CCR10: variants seen among roughly 807,000 people sequenced by gnomAD.
The protein encoded by CCR10 is C-C chemokine receptor type 10.
In CCR10, 11 loss-of-function variants were observed where a neutral mutation model predicts 11.9. The ratio of observed to expected loss-of-function variants is 0.92; its 90% confidence interval spans 0.58 to 1.53. The LOEUF is 1.53. CCR10 is among the 40% of genes most tolerant of loss of function. CCR10 has a pLI of 0.00. For synonymous variants in CCR10, 224 were observed against 245.4 expected (o/e 0.91, Z 0.81); for missense variants, 428 against 496.6 (o/e 0.86, Z 1.31).
At chr17:42,680,703 A>G in intron 1 of CCR10, 86 bp from the exon 2 acceptor site, 1 of 939,676 alleles carries the variant, frequency 1.1e-6, no homozygotes, top group Non-Finnish European at 1.6e-6. Flanking sequence ...CCAAGCTGAG[A>G]GCTCCTGTGT....
In CCR10 at chr17:42,678,928, A is replaced by T. The variant is rs2052896444; in HGVS notation, c.*625T>A. On this transcript the variant is annotated 3_prime_UTR_variant, in exon 2 of 2. Transcript: ENST00000332438. ...TTTTCATTTTTTCTTTCCATCACAG[A>T]CACTAGGAAGGGATTGTAAAGTGGT... 6.6e-6 allele frequency: 1 copy of T among 152,198 alleles called. No individual in the cohort carries two copies. Among genetic ancestry groups the T allele is most frequent in the South Asian group, 2.1e-4 (1 of 4,824 alleles). The allele number at this position is 152,198 out of a possible 1,614,324, so 9.4% of individuals were successfully genotyped here.
chr17:42,680,243 AC>A lies in CCR10; in HGVS notation c.398del (p.Cys133LeufsTer71). ...SFHAGFLFLA[C>X]ISADRYVAIA... ...TGGCCACGTAGCGGTCGGCGCTGAT[AC>A]AGGCCAGGAAGAGGAAGCCGGCGTG... On this transcript the variant is annotated frameshift_variant, in exon 2 of 2. Coordinates refer to ENST00000332438, the MANE Select transcript of CCR10 (RefSeq NM_016602.3). LOFTEE classifies it low-confidence loss of function (END_TRUNC). 6.3e-7 allele frequency: 1 copy of A among 1,586,538 alleles called. No homozygotes were observed. Among genetic ancestry groups the A allele is most frequent in the Non-Finnish European group, 8.6e-7 (1 of 1,167,012 alleles).
Position 42,680,240 on chromosome 17 carries a change from G to T in CCR10, c.402C>A (p.Ile134=), listed in dbSNP as rs1459623477. The T allele has an allele frequency of 1.3e-6, 2 of 1,588,568 alleles. No individual in the cohort carries two copies. The highest frequency in any genetic ancestry group is 1.7e-6 in the Non-Finnish European group (2 of 1,168,074). ...FHAGFLFLAC[I]SADRYVAIAR... ...CGATGGCCACGTAGCGGTCGGCGCT[G>T]ATACAGGCCAGGAAGAGGAAGCCGG... is the stretch of plus-strand genomic sequence containing the variant. The change falls in exon 2 of 2, where the codon ATC becomes ATA. Residue 134 remains isoleucine, a synonymous_variant. Transcript: ENST00000332438.
rs1425620473 is a variant in CCR10 at position 42,680,458 on chromosome 17, C to G, written c.184G>C (p.Val62Leu). ...AALGLAGNGL[V>L]LATHLAARRA... ...CGGGCTGCCAGGTGGGTGGCCAGGA[C>G]CAGGCCATTGCCGGCCAGACCCAGC... The change falls in exon 2 of 2, where the codon GTC becomes CTC. Residue 62 changes from valine to leucine, a missense_variant. By Grantham distance (32) the Val-to-Leu change is conservative. Transcript: ENST00000332438. 1 of 1,601,574 alleles carries G rather than the reference C, an allele frequency of 6.2e-7. No individual in the cohort carries two copies.
chr17:42,679,701 C>T lies in CCR10; in HGVS notation c.941G>A (p.Gly314Asp), dbSNP rs1268423324. Residue 314 changes from glycine (G) to aspartate (D), a missense_variant, in exon 2 of 2, where the codon GGC becomes GAC. Transcript: ENST00000332438. ...GLNPVLYAFL[G>D]LRFRQDLRRL... Reference sequence around the variant, plus strand: ...CCGCAGGTCCTGGCGGAAGCGCAGGCCCAGGAAGGCGTAGAGAACGGGATT... The same window carrying T: ...CCGCAGGTCCTGGCGGAAGCGCAGGTCCAGGAAGGCGTAGAGAACGGGATT... The T allele has an allele frequency of 1.3e-6, 2 of 1,542,788 alleles. No individual in the cohort carries two copies. The highest frequency in any genetic ancestry group is 1.2e-5 in the South Asian group (1 of 81,018).
chr17:42,681,727 G>T, intron 1 of CCR10, 73 bp downstream of exon 1: 2 of 1,113,950 alleles, frequency 1.8e-6, no homozygotes, highest in South Asian at 1.2e-5. Flanking sequence ...CCATTGCCAG[G>T]TGGGGAATCC....
chr17:42,681,631 C>T (rs2143638357), intron 1 of CCR10, among the ~76,000 whole-genome samples, 169 bp downstream of exon 1: 2 of 152,312 alleles, frequency 1.3e-5, no homozygotes, highest in Middle Eastern at 6.8e-3. Context: ...ACAACCCCAG[C>T]CTCACACCAC....
chr17:42,680,279 C>T lies in CCR10; in HGVS notation c.363G>A (p.Ser121=). Residue 121 remains serine, a synonymous_variant, in exon 2 of 2, where the codon TCG becomes TCA. Coordinates refer to ENST00000332438, the MANE Select transcript of CCR10 (RefSeq NM_016602.3). ...AGAGGAAGCCGGCGTGGAAGGAGGC[C>T]GAGTAGAGGCCAGAGATGGTGCGGC... The part of the protein sequence containing the change: ...ATCRTISGLY[S]ASFHAGFLFL... The T allele has an allele frequency of 1.9e-6, 3 of 1,564,772 alleles. No homozygotes were observed. Among genetic ancestry groups the T allele is most frequent in the South Asian group, 1.2e-5 (1 of 85,884 alleles).
rs773154998 is a variant in CCR10 at position 42,680,466 on chromosome 17, T to C, written c.176A>G (p.Asn59Ser). The C allele has an allele frequency of 5.0e-6, 8 of 1,605,030 alleles. No individual in the cohort carries two copies. Among genetic ancestry groups the C allele is most frequent in the Non-Finnish European group, 6.8e-6 (8 of 1,176,248 alleles). The change falls in exon 2 of 2, where the codon AAT (asparagine) becomes AGT (serine). Residue 59 changes from asparagine (N) to serine (S), a missense_variant. Coordinates refer to ENST00000332438, the MANE Select transcript of CCR10 (RefSeq NM_016602.3). ...CAGGTGGGTGGCCAGGACCAGGCCA[T>C]TGCCGGCCAGACCCAGCGCAGCCAC... Reference protein sequence around the residue: ...LTVAALGLAGNGLVLATHLAA... With the variant: ...LTVAALGLAGSGLVLATHLAA...
chr17:42,679,760 C>G lies in CCR10; in HGVS notation c.882G>C (p.Val294=). 1 of 1,602,012 alleles carries G rather than the reference C, an allele frequency of 6.2e-7. No individual in the cohort carries two copies. The highest frequency in any genetic ancestry group is 8.5e-7 in the Non-Finnish European group (1 of 1,175,692). The change falls in exon 2 of 2, where the codon GTG becomes GTC. Residue 294 remains valine, a synonymous_variant. Coordinates refer to ENST00000332438, the MANE Select transcript of CCR10 (RefSeq NM_016602.3). ...ASKRKDVALL[V]TSGLALARCG... The stretch of plus-strand genomic sequence containing the variant: ...AGCGGGCGAGGGCCAAGCCGCTGGT[C>G]ACCAGCAGTGCGACATCCTTGCGTT...
rs981155097 is a variant in CCR10, at chr17:42,680,275, A to G, written c.367T>C (p.Ser123Pro). ...CRTISGLYSASFHAGFLFLAC... is the reference protein window; with the variant it reads ...CRTISGLYSAPFHAGFLFLAC... ...AGGAAGAGGAAGCCGGCGTGGAAGG[A>G]GGCCGAGTAGAGGCCAGAGATGGTG... Residue 123 changes from serine (S) to proline (P), a missense_variant, in exon 2 of 2, where the codon TCC (serine) becomes CCC (proline). Physicochemically the swap from Ser to Pro is moderately conservative, Grantham distance 74. Coordinates refer to ENST00000332438, the MANE Select transcript of CCR10 (RefSeq NM_016602.3). The G allele has an allele frequency of 9.6e-6, 15 of 1,566,832 alleles. No individual in the cohort carries two copies. The highest frequency in any genetic ancestry group is 1.9e-5 in the Admixed American group (1 of 52,352).
At chr17:42,680,971 G>A (rs936818351) in intron 1 of CCR10, among the ~76,000 whole-genome samples, 11 of 152,034 alleles carry the variant, frequency 7.2e-5, no homozygotes, top group African/African-American at 2.7e-4. Context: ...GGGAGAACCT[G>A]TGTTCTCCAA....
chr17:42,680,743 T>G (rs2052922150), intron 1 of CCR10, 126 bp from the exon 2 acceptor site: 1 of 665,272 alleles, frequency 1.5e-6, no homozygotes, highest in Non-Finnish European at 2.6e-6. Flanking sequence ...CGGGGAGACA[T>G]AAGCTCTTCT....
chr17:42,681,719 ATTGCCAGGT>A lies in CCR10; in HGVS notation c.24+72_24+80del, dbSNP rs2052934602. On this transcript the variant is annotated intron_variant, in intron 1 of 1. Transcript: ENST00000332438. ...ATAAGCCATAGGATGGCAGAGGCCC[ATTGCCAGGT>A]GGGGAATCCCATTCCTTCCCTGTCT... The A allele has an allele frequency of 1.8e-5, 19 of 1,037,434 alleles. No homozygotes were observed. In the Admixed American group the frequency reaches 3.1e-4, roughly 17 times the overall value. 64.3% of individuals were successfully genotyped at this position (1,037,434 alleles called of 1,614,324 possible). A position where few individuals can be genotyped will look rare whatever the true frequency, so the allele number is the denominator to read the frequency against.
rs1284787164 is a variant in CCR10 at position 42,680,338 on chromosome 17, C to T, written c.304G>A (p.Ala102Thr). 1.3e-6 allele frequency: 2 copies of T among 1,552,430 alleles called. No homozygotes were observed. The highest frequency in any genetic ancestry group is 3.9e-5 in the Admixed American group (2 of 51,122). The change falls in exon 2 of 2, where the codon GCT becomes ACT. Residue 102 changes from alanine to threonine, a missense_variant. Coordinates refer to ENST00000332438, the MANE Select transcript of CCR10 (RefSeq NM_016602.3). ...CTTCCCAGACTCCAGCCCTGAAGAG[C>T]CCCTGCTGCCGCGAAGGGCAGAGTC... ...ALTLPFAAAG[A>T]LQGWSLGSAT...
chr17:42,679,508 C>A lies in CCR10; in HGVS notation c.*45G>T. 1 of 1,376,650 alleles carries A rather than the reference C, an allele frequency of 7.3e-7. No homozygotes were observed. The highest frequency in any genetic ancestry group is 1.7e-5 in the South Asian group (1 of 59,882). The allele number at this position is 1,376,650 out of a possible 1,614,324, so 85.3% of individuals were successfully genotyped here. A position where few individuals can be genotyped will look rare whatever the true frequency, so the allele number is the denominator to read the frequency against. ...TCTCAGTGTTCCCCCACCTACTCCC[C>A]TTTCCCACGACCCTCAGCCTGCCCC... On this transcript the variant is annotated 3_prime_UTR_variant, in exon 2 of 2. Coordinates refer to ENST00000332438, the MANE Select transcript of CCR10 (RefSeq NM_016602.3).
In CCR10 at chr17:42,680,428, C is replaced by G. The variant is rs2052915817; in HGVS notation, c.214G>C (p.Ala72Pro). ...VLATHLAARR[A>P]ARSPTSAHLL... ...TGGGCAGAGGTGGGCGAGCGCGCTG[C>G]GCGTCGGGCTGCCAGGTGGGTGGCC... is the stretch of plus-strand genomic sequence containing the variant. The change falls in exon 2 of 2, where the codon GCA becomes CCA. Residue 72 changes from alanine to proline, a missense_variant. Coordinates refer to ENST00000332438, the MANE Select transcript of CCR10 (RefSeq NM_016602.3). 1.3e-6 allele frequency: 2 copies of G among 1,577,924 alleles called. No individual in the cohort carries two copies. The highest frequency in any genetic ancestry group is 1.7e-6 in the Non-Finnish European group (2 of 1,162,090).
Position 42,680,435 on chromosome 17 carries a change from G to A in CCR10, c.207C>T (p.Ala69=). The change falls in exon 2 of 2, where the codon GCC becomes GCT. Residue 69 remains alanine, a synonymous_variant. Coordinates refer to ENST00000332438, the MANE Select transcript of CCR10 (RefSeq NM_016602.3). The part of the protein sequence containing the change: ...NGLVLATHLA[A]RRAARSPTSA... ...AGGTGGGCGAGCGCGCTGCGCGTCGGGCTGCCAGGTGGGTGGCCAGGACCA... is the reference window on the plus strand; with the variant it reads ...AGGTGGGCGAGCGCGCTGCGCGTCGAGCTGCCAGGTGGGTGGCCAGGACCA... 6.3e-7 allele frequency: 1 copy of A among 1,586,630 alleles called. No individual in the cohort carries two copies. The highest frequency in any genetic ancestry group is 1.1e-5 in the South Asian group (1 of 88,520).
chr17:42,680,378 G>T lies in CCR10; in HGVS notation c.264C>A (p.Asp88Glu), dbSNP rs1386234735. The T allele has an allele frequency of 8.4e-6, 13 of 1,556,752 alleles. No individual in the cohort carries two copies. Among genetic ancestry groups the T allele is most frequent in the Non-Finnish European group, 1.0e-5 (12 of 1,150,234 alleles). The change falls in exon 2 of 2, where the codon GAC (aspartate) becomes GAA (glutamate). Residue 88 changes from aspartate (D) to glutamate (E), a missense_variant. Transcript: ENST00000332438. The stretch of plus-strand genomic sequence containing the variant: ...AGGGCAGAGTCAGGGCCAGCAAGAG[G>T]TCGGCCAGGGCCAGCTGGAGCAGGT... The part of the protein sequence containing the change: ...SAHLLQLALA[D>E]LLLALTLPFA...
Sources: gnomAD v4.1 joint callset for allele counts (sites outside exome capture counted in the v4.1 genomes callset) on GRCh38, gnomAD v4.1.1 for gene constraint, MANE v1.5 for transcripts, NCBI Gene and HGNC (gene_info 2026-07-23, HGNC 2026-07-21) for gene names.